Variants in DMD observed in about 807,000 individuals in gnomAD.
DMD encodes the protein dystrophin.
DMD carries 63 observed loss-of-function variants against 330.1 expected under a neutral mutation model. That is an observed-to-expected ratio of 0.19 (90% CI 0.16 to 0.24). The LOEUF is 0.24. Among genes scored for constraint, DMD ranks in the 10% least tolerant of loss-of-function variants. The pLI, the probability that DMD is intolerant of heterozygous loss-of-function variation, is 1.00. For synonymous variants in DMD, 1,223 were observed against 959.8 expected (o/e 1.27, Z -5.07); for missense variants, 3,344 against 2,684.1 (o/e 1.25, Z -5.43).
At chrX:32,568,307 A>G (rs1414347945) in intron 15 of DMD, among the ~76,000 whole-genome samples, 3 of 111,314 alleles carry the variant, frequency 2.7e-5, no homozygotes, top group Non-Finnish European at 5.7e-5. Context: ...CAGGAGTTCC[A>G]GATCAGCCTG....
intron 44 of DMD, among the ~76,000 whole-genome samples, chrX:32,076,658 C>T (rs62590026): frequency 0.022 from 2,403 of 111,654 alleles, 37 homozygotes; most frequent in Non-Finnish European, 0.034. Flanking sequence ...GGATTACAGG[C>T]GTGAGCCACC....
chrX:32,542,885 G>A (rs2048617217), intron 17 of DMD, among the ~76,000 whole-genome samples: 3 of 111,851 alleles, frequency 2.7e-5, no homozygotes, highest in Middle Eastern at 4.6e-3. Context: ...AGTGAAAGTT[G>A]ATGCTATATA....
chrX:31,816,077 C>T (rs2092617530), intron 50 of DMD, among the ~76,000 whole-genome samples: 1 of 112,218 alleles, frequency 8.9e-6, no homozygotes, highest in African/African-American at 3.2e-5. Context: ...AATAACTATC[C>T]AGCTAATCAC....
At chrX:32,067,572 C>T (rs2096267769) in intron 44 of DMD, among the ~76,000 whole-genome samples, 1 of 111,073 alleles carries the variant, frequency 9.0e-6, no homozygotes, top group Non-Finnish European at 1.9e-5. Flanking sequence ...AAGTACCTAA[C>T]ATTTAGCTCC....
rs1265651432 is a variant in DMD at position 32,445,763 on chromosome X, A to G, written c.3786+2693T>C. Reference sequence around the variant, plus strand: ...TTAAGTTGTTTAAAGGAATACATAGAATTAATCACAAAAAAGAAGAAAACC... The same window carrying G: ...TTAAGTTGTTTAAAGGAATACATAGGATTAATCACAAAAAAGAAGAAAACC... On this transcript the variant is annotated intron_variant, in intron 27 of 78. Transcript: ENST00000357033. 4.5e-5 allele frequency among the ~76,000 whole-genome samples: 5 copies of G among 110,995 alleles called. No homozygotes were observed. The Admixed American group carries it at 4.8e-4, about 11-fold the overall frequency.
At chrX:32,253,207 T>C (rs934318453) in intron 43 of DMD, among the ~76,000 whole-genome samples, 2 of 108,900 alleles carry the variant, frequency 1.8e-5, no homozygotes, top group African/African-American at 6.7e-5. Flanking sequence ...GATAAGTATT[T>C]AAATGAAAAA....
intron 1 of DMD, among the ~76,000 whole-genome samples, chrX:33,301,091 A>G (rs187337655): frequency 5.1e-4 from 57 of 111,652 alleles, no homozygotes; most frequent in Middle Eastern, 4.7e-3. Flanking sequence ...ATATGCTAGA[A>G]GTAGAAAAGC....
At chrX:32,532,930 T>TC (rs767735199) in intron 17 of DMD, among the ~76,000 whole-genome samples, 1 of 112,398 alleles carries the variant, frequency 8.9e-6, no homozygotes, top group African/African-American at 3.2e-5. Context: ...ACAAATATGG[T>TC]CTGCCATCTA....
At chrX:32,575,749 A>G (rs141914361) in intron 13 of DMD, among the ~76,000 whole-genome samples, 3,651 of 111,679 alleles carry the variant, frequency 0.033, 138 homozygotes, top group African/African-American at 0.11. Context: ...TACACCATCT[A>G]CCTGACGTGA....
rs1817485990 is a variant in DMD, at chrX:32,065,418, G to T, written c.6439-96904C>A. 2.7e-5 allele frequency among the ~76,000 whole-genome samples: 3 copies of T among 111,639 alleles called. No individual in the cohort carries two copies. In the South Asian group the frequency reaches 1.1e-3, roughly 41 times the overall value. On this transcript the variant is annotated intron_variant, in intron 44 of 78. Coordinates refer to ENST00000357033, the MANE Select transcript of DMD (RefSeq NM_004006.3). ...CCAAGATTAATTGAAACTAGTTCAA[G>T]TCTACAAAACAAGTTTGCTCTCATA...
intron 18 of DMD, among the ~76,000 whole-genome samples, chrX:32,512,559 G>A (rs908933629): frequency 1.8e-5 from 2 of 112,364 alleles, no homozygotes; most frequent in Admixed American, 9.4e-5. Flanking sequence ...GCCACTTCAC[G>A]TTCAAGTCCT....
chrX:32,835,634 G>A (rs914274409), intron 4 of DMD, among the ~76,000 whole-genome samples: 7 of 111,833 alleles, frequency 6.3e-5, no homozygotes, highest in African/African-American at 2.0e-4. Flanking sequence ...ACAGATATAA[G>A]CTGAGTGGCA....
chrX:33,009,911 T>C lies in DMD; in HGVS notation c.93+10228A>G, dbSNP rs780338379. On this transcript the variant is annotated intron_variant, in intron 2 of 78. Transcript: ENST00000357033. ...ACATATGTGTATATGTGTGTATATG[T>C]GTATATGTGTGTATACACATGTGTG... Among the ~76,000 whole-genome samples the C allele has an allele frequency of 1.1e-3, 65 of 57,282 alleles. 4 individuals carry two copies. Among genetic ancestry groups the C allele is most frequent in the African/African-American group, 4.3e-3 (59 of 13,787 alleles). The allele number at this position is 57,282 out of a possible 115,157, so 49.7% of individuals were successfully genotyped here.
At chrX:31,226,349 T>G (rs2046595906) in intron 63 of DMD, among the ~76,000 whole-genome samples, 1 of 112,488 alleles carries the variant, frequency 8.9e-6, no homozygotes. Context: ...ATTAATAGAT[T>G]ATTTAATAAC....
chrX:32,475,789 G>C (rs761987764), intron 21 of DMD, among the ~76,000 whole-genome samples: 1 of 110,418 alleles, frequency 9.1e-6, no homozygotes, highest in East Asian at 2.9e-4. Context: ...GGAATCCTTA[G>C]GGTTTTGAAG....
At chrX:31,983,589 C>G (rs1005543120) in intron 44 of DMD, among the ~76,000 whole-genome samples, 2 of 111,422 alleles carry the variant, frequency 1.8e-5, no homozygotes, top group African/African-American at 6.5e-5. Flanking sequence ...GCAATACATT[C>G]CAGATTCAGG....
rs910208087 is a variant in DMD, at chrX:31,120,980, G to C, written c.*939C>G. 1.8e-5 allele frequency: 2 copies of C among 110,821 alleles called. No homozygotes were observed. Among genetic ancestry groups the C allele is most frequent in the South Asian group, 7.7e-4 (2 of 2,589 alleles). The allele number at this position is 110,821 out of a possible 1,213,427, so 9.1% of individuals were successfully genotyped here. A position where few individuals can be genotyped will look rare whatever the true frequency, so the allele number is the denominator to read the frequency against. On this transcript the variant is annotated 3_prime_UTR_variant, in exon 79 of 79. Coordinates refer to ENST00000357033, the MANE Select transcript of DMD (RefSeq NM_004006.3). ...AAATCCAATACTTTACTTTACTTTC[G>C]TTGTCAGTGGAAAGTTGTTTAAAAT...
chrX:33,097,920 A>G (rs1051190820), intron 1 of DMD, among the ~76,000 whole-genome samples: 20 of 111,127 alleles, frequency 1.8e-4, no homozygotes, highest in African/African-American at 5.5e-4. Flanking sequence ...CAGCCCCACC[A>G]GTAACATTTT....
chrX:31,641,228 A>G (rs1326862277), intron 54 of DMD, among the ~76,000 whole-genome samples: 2 of 111,501 alleles, frequency 1.8e-5, no homozygotes, highest in African/African-American at 6.5e-5. Context: ...GGGATCGGCC[A>G]TGGTGGCTCA....
Sources: gnomAD v4.1 joint callset for allele counts (sites outside exome capture counted in the v4.1 genomes callset) on GRCh38, gnomAD v4.1.1 for gene constraint, MANE v1.5 for transcripts, NCBI Gene and HGNC (gene_info 2026-07-23, HGNC 2026-07-21) for gene names.